Variants in PARN observed in about 807,000 individuals in gnomAD.
PARN encodes poly(A)-specific ribonuclease, also known as poly(A)-specific ribonuclease PARN.
A neutral mutation model predicts 102.8 loss-of-function variants in PARN; 71 were observed. That is an observed-to-expected ratio of 0.69 (90% CI 0.57 to 0.84). The LOEUF is 0.84. Ranked by LOEUF, PARN falls within the 40% of genes least tolerant of loss-of-function variation. The pLI, the probability that PARN is intolerant of heterozygous loss-of-function variation, is 0.00. For missense variants in PARN, 782 were observed against 760.9 expected (o/e 1.03, Z -0.33); for synonymous variants, 261 against 252.9 (o/e 1.03, Z -0.30).
At chr16:14,550,998 T>C (rs1265945193) in intron 21 of PARN, among the ~76,000 whole-genome samples, 1 of 151,880 alleles carries the variant, frequency 6.6e-6, no homozygotes, top group African/African-American at 2.4e-5. Context: ...TCTCACTCTG[T>C]CGCCCAGGCC....
chr16:14,440,711 CA>C (rs950953295), intron 23 of PARN, among the ~76,000 whole-genome samples: 1 of 152,190 alleles, frequency 6.6e-6, no homozygotes, highest in African/African-American at 2.4e-5. Flanking sequence ...CCACAAATCA[CA>C]AATGCATCAT....
intron 5 of PARN, among the ~76,000 whole-genome samples, chr16:14,622,055 T>C (rs1972339111): frequency 6.6e-6 from 1 of 151,528 alleles, no homozygotes; most frequent in Admixed American, 6.6e-5. Flanking sequence ...TAGCCAGGCA[T>C]GGTGGCACGC....
intron 18 of PARN, among the ~76,000 whole-genome samples, chr16:14,568,919 T>A (rs933253329): frequency 1.3e-5 from 2 of 149,566 alleles, no homozygotes; most frequent in Non-Finnish European, 3.0e-5. Flanking sequence ...AAATTAAATT[T>A]TTTAAAAAAA....
At chr16:14,516,371 T>A (rs1323240714) in intron 21 of PARN, among the ~76,000 whole-genome samples, 1 of 152,076 alleles carries the variant, frequency 6.6e-6, no homozygotes, top group African/African-American at 2.4e-5. Flanking sequence ...AGGCTCAATA[T>A]TGCATGCTGA....
intron 21 of PARN, among the ~76,000 whole-genome samples, chr16:14,498,566 C>A (rs1042953264): frequency 2.0e-5 from 3 of 152,126 alleles, no homozygotes; most frequent in African/African-American, 7.2e-5. Flanking sequence ...ACACATCATA[C>A]ACGATCTGTC....
intron 3 of PARN, 86 bp downstream of exon 3, chr16:14,628,086 T>C (rs1226861973): frequency 1.9e-5 from 16 of 833,936 alleles, no homozygotes; most frequent in Non-Finnish European, 3.0e-5. Context: ...AAAACCTTAA[T>C]GCACAAGTTT....
intron 23 of PARN, among the ~76,000 whole-genome samples, chr16:14,443,951 C>T (rs181427232): frequency 1.4e-3 from 213 of 152,236 alleles, no homozygotes; most frequent in Non-Finnish European, 2.4e-3. Context: ...TAATACAGTT[C>T]CCGCCACCAC....
intron 22 of PARN, among the ~76,000 whole-genome samples, chr16:14,478,868 G>A (rs1243522163): frequency 3.3e-5 from 5 of 152,070 alleles, no homozygotes; most frequent in South Asian, 2.1e-4. Context: ...TGCAACCTCC[G>A]CCTCCCGGGT....
chr16:14,577,290 G>A (rs188877575), intron 18 of PARN, among the ~76,000 whole-genome samples: 1 of 152,178 alleles, frequency 6.6e-6, no homozygotes, highest in East Asian at 1.9e-4. Flanking sequence ...GGGTAACCAT[G>A]AAAAATGACA....
At chr16:14,585,658 T>C (rs1969807996) in intron 14 of PARN, among the ~76,000 whole-genome samples, 1 of 152,208 alleles carries the variant, frequency 6.6e-6, no homozygotes, top group African/African-American at 2.4e-5. Flanking sequence ...GGACAGTTCT[T>C]GACTGACTCT....
rs866589158 is a variant in PARN at position 14,439,372 on chromosome 16, G to A, written c.1865-2600C>T. On this transcript the variant is annotated intron_variant, in intron 23 of 23. Coordinates refer to ENST00000437198, the MANE Select transcript of PARN (RefSeq NM_002582.4). Reference sequence around the variant, plus strand: ...GGGTGGGTGACAGAGTGAAACTGTCGCACAAAAAAAAAAAAAAAAATAGAG... The same window carrying A: ...GGGTGGGTGACAGAGTGAAACTGTCACACAAAAAAAAAAAAAAAAATAGAG... Among the ~76,000 whole-genome samples the A allele has an allele frequency of 5.1e-3, 251 of 48,768 alleles. 2 individuals are homozygous for A. The highest frequency in any genetic ancestry group is 5.7e-3 in the Non-Finnish European group (142 of 24,746). 32.0% of individuals were successfully genotyped at this position (48,768 alleles called of 152,430 possible). A position where few individuals can be genotyped will look rare whatever the true frequency, so the allele number is the denominator to read the frequency against.
chr16:14,515,645 G>C (rs773465638), intron 21 of PARN, among the ~76,000 whole-genome samples: 2 of 152,072 alleles, frequency 1.3e-5, no homozygotes, highest in Non-Finnish European at 2.9e-5. Context: ...ATATATGAAA[G>C]AACATTAAGG....
intron 18 of PARN, among the ~76,000 whole-genome samples, chr16:14,558,659 A>G (rs1041813462): frequency 2.6e-5 from 4 of 152,236 alleles, no homozygotes; most frequent in Non-Finnish European, 5.9e-5. Context: ...TTATAGTTCA[A>G]AATTTCAATA....
chr16:14,508,169 T>TTGGCAGGCAGGC (rs1964991980), intron 21 of PARN, among the ~76,000 whole-genome samples: 4 of 151,914 alleles, frequency 2.6e-5, no homozygotes, highest in Admixed American at 2.6e-4. Flanking sequence ...ACAAATAACA[T>TTGGCAGGCAGGC]AGGCAGGCAG....
chr16:14,555,167 G>A (rs1967593628), intron 19 of PARN, among the ~76,000 whole-genome samples: 2 of 152,110 alleles, frequency 1.3e-5, no homozygotes, highest in Non-Finnish European at 2.9e-5. Context: ...AAAAAGAGCA[G>A]TGAAATAGCA....
intron 22 of PARN, among the ~76,000 whole-genome samples, chr16:14,472,083 A>C (rs934577736): frequency 2.0e-5 from 3 of 152,210 alleles, no homozygotes; most frequent in Non-Finnish European, 4.4e-5. Flanking sequence ...CAAAGGAAGG[A>C]GACAAACTAC....
At chr16:14,548,909 G>T (rs1390219231) in intron 21 of PARN, among the ~76,000 whole-genome samples, 2 of 151,410 alleles carry the variant, frequency 1.3e-5, no homozygotes, top group Admixed American at 1.3e-4. Context: ...AGTCGAGTTT[G>T]TGCCACCCCA....
chr16:14,548,080 TA>T lies in PARN; in HGVS notation c.1480+3940del, dbSNP rs754267354. Among the ~76,000 whole-genome samples, 8 of 151,756 alleles carry T rather than the reference TA, an allele frequency of 5.3e-5. No homozygotes were observed. The East Asian group carries it at 1.4e-3, about 26-fold the overall frequency. ...TAACACGGTGAAACCCTGTCCCTAC[TA>T]AAAATACAAAACAAAAATTAGCCGG... On this transcript the variant is annotated intron_variant, in intron 21 of 23. Transcript: ENST00000437198.
chr16:14,460,140 A>G (rs905531881), intron 22 of PARN, among the ~76,000 whole-genome samples: 2 of 152,226 alleles, frequency 1.3e-5, no homozygotes, highest in Non-Finnish European at 1.5e-5. Context: ...GAGAAAAGAC[A>G]TATTAATTAT....
Sources: gnomAD v4.1 joint callset for allele counts (sites outside exome capture counted in the v4.1 genomes callset) on GRCh38, gnomAD v4.1.1 for gene constraint, MANE v1.5 for transcripts, NCBI Gene and HGNC (gene_info 2026-07-23, HGNC 2026-07-21) for gene names.